The following RTTN variants were observed in gnomAD, a reference collection of about 807,000 sequenced individuals.
The protein encoded by RTTN is rotatin.
Under a neutral mutation model 269.2 loss-of-function variants are expected in RTTN, and 182 were observed. The ratio of observed to expected loss-of-function variants is 0.68; its 90% CI spans 0.60 to 0.76. The LOEUF (loss-of-function observed/expected upper bound fraction) is 0.76, where lower values mean the gene tolerates loss of function less well. Among genes scored for constraint, RTTN ranks in the 30% least tolerant of loss-of-function variants. The probability of loss-of-function intolerance (pLI) is 0.00; values close to 1 mark genes in which losing one functional copy is unlikely to be tolerated. For synonymous variants in RTTN, 1,006 were observed against 963.5 expected (o/e 1.04, Z -0.82); for missense variants, 2,545 against 2,608.6 (o/e 0.98, Z 0.53).
intron 40 of RTTN, among the ~76,000 whole-genome samples, chr18:70,038,474 T>C (rs1300466678): frequency 6.6e-6 from 1 of 152,180 alleles, no homozygotes; most frequent in Non-Finnish European, 1.5e-5. Flanking sequence ...TGCCTGGTAA[T>C]CTGGAGAATT....
chr18:70,017,148 A>G (rs922457565), intron 46 of RTTN, among the ~76,000 whole-genome samples: 1 of 151,984 alleles, frequency 6.6e-6, no homozygotes, highest in Non-Finnish European at 1.5e-5. Flanking sequence ...AAGGCCAGGG[A>G]GCCCTCGTCC....
intron 20 of RTTN, 24 bp downstream of exon 20, chr18:70,140,076 T>C: frequency 7.0e-7 from 1 of 1,436,290 alleles, no homozygotes; most frequent in Non-Finnish European, 9.8e-7. Flanking sequence ...TGTAAAACAA[T>C]GTCTAGATGC....
rs548826682 is a variant in RTTN, at chr18:70,162,307, G to A, written c.1929+3755C>T. 4.6e-5 allele frequency among the ~76,000 whole-genome samples: 7 copies of A among 152,252 alleles called. No individual in the cohort carries two copies. In the South Asian group the frequency reaches 8.3e-4, roughly 18 times the overall value. On this transcript the variant is annotated intron_variant, in intron 14 of 48. Coordinates refer to ENST00000640769, the MANE Select transcript of RTTN (RefSeq NM_173630.4). ...CTTAGAAGTGGGAACTAAACACTGC[G>A]TATACACATGGATACAAAGATGGGA...
chr18:70,132,913 G>GT (rs2060032957), intron 23 of RTTN, among the ~76,000 whole-genome samples: 1 of 152,058 alleles, frequency 6.6e-6, no homozygotes, highest in South Asian at 2.1e-4. Flanking sequence ...TGATATTGAG[G>GT]TAACTCTCTG....
intron 39 of RTTN, among the ~76,000 whole-genome samples, chr18:70,051,087 A>T (rs999544096): frequency 3.7e-4 from 56 of 152,318 alleles, no homozygotes; most frequent in African/African-American, 1.3e-3. Flanking sequence ...AGTAAAATTT[A>T]AAAAAACCAA....
chr18:70,168,188 T>C (rs2061042617), intron 12 of RTTN, among the ~76,000 whole-genome samples: 1 of 152,070 alleles, frequency 6.6e-6, no homozygotes, highest in African/African-American at 2.4e-5. Flanking sequence ...GAGTAAGAAT[T>C]TTATCCCTAA....
intron 29 of RTTN, among the ~76,000 whole-genome samples, 189 bp from the exon 30 acceptor site, chr18:70,092,409 T>A (rs1324285577): frequency 3.3e-5 from 5 of 152,234 alleles, no homozygotes; most frequent in Non-Finnish European, 7.3e-5. Flanking sequence ...AACATAACAA[T>A]TTTTTGACAG....
intron 14 of RTTN, among the ~76,000 whole-genome samples, chr18:70,162,563 T>G (rs2060859844): frequency 6.6e-6 from 1 of 152,154 alleles, no homozygotes; most frequent in South Asian, 2.1e-4. Context: ...CAATGCCAGA[T>G]GTTTATAAAA....
chr18:70,019,133 T>C (rs2056630020), intron 45 of RTTN, among the ~76,000 whole-genome samples: 1 of 152,206 alleles, frequency 6.6e-6, no homozygotes, highest in South Asian at 2.1e-4. Context: ...AAAGAGAGTC[T>C]GATCACACTT....
At chr18:70,049,710 TGTTAAA>T (rs2057601403) in intron 39 of RTTN, among the ~76,000 whole-genome samples, 1 of 152,210 alleles carries the variant, frequency 6.6e-6, no homozygotes, top group Non-Finnish European at 1.5e-5. Flanking sequence ...TGAATATTTA[TGTTAAA>T]AAACAGCTTT....
intron 40 of RTTN, among the ~76,000 whole-genome samples, chr18:70,040,367 A>G (rs1599227951): frequency 1.3e-5 from 2 of 152,334 alleles, no homozygotes; most frequent in African/African-American, 4.8e-5. Context: ...AACTGTAAGG[A>G]CAGACAAAGA....
chr18:70,127,426 C>T, intron 25 of RTTN, 76 bp downstream of exon 25: 1 of 1,526,952 alleles, frequency 6.5e-7, no homozygotes, highest in Non-Finnish European at 8.9e-7. Flanking sequence ...AGACTCTTAT[C>T]TTCAAAGGTT....
Position 70,028,771 on chromosome 18 carries a change from CAATGCTTAACTCTTT to C in RTTN, c.5761_5775del (p.Lys1921_Ile1925del), listed in dbSNP as rs757580606. 1.8e-5 allele frequency: 29 copies of C among 1,611,966 alleles called. No individual in the cohort carries two copies. The Admixed American group carries it at 4.8e-4, about 27-fold the overall frequency. ...AGACAGTTTCTTAGGAGCTGCATGGCAATGCTTAACTCTTTAATAACACCATCCTCCTATTTAAAC... is the reference window on the plus strand; with the variant it reads ...AGACAGTTTCTTAGGAGCTGCATGGCAATAACACCATCCTCCTATTTAAAC... On this transcript the variant is annotated inframe_deletion, in exon 43 of 49. Transcript: ENST00000640769.
chr18:70,204,125 G>T lies in RTTN; in HGVS notation c.358C>A (p.Pro120Thr). The change falls in exon 3 of 49, where the codon CCT becomes ACT. Residue 120 changes from proline (P) to threonine (T), a missense_variant. Coordinates refer to ENST00000640769, the MANE Select transcript of RTTN (RefSeq NM_173630.4). Reference protein sequence around the residue: ...DGLFLLPSEVPALSSASYQTN... With the variant: ...DGLFLLPSEVTALSSASYQTN... ...TGGTATGAGGCAGAAGATAGTGCAG[G>T]AACTTCCGAAGGAAGAAGAAAAAGT... is the stretch of plus-strand genomic sequence containing the variant. The T allele has an allele frequency of 6.2e-7, 1 of 1,613,864 alleles. No individual in the cohort carries two copies. The highest frequency in any genetic ancestry group is 1.1e-5 in the South Asian group (1 of 91,060).
chr18:70,203,271 C>A (rs8087187), intron 3 of RTTN, among the ~76,000 whole-genome samples: 110,946 of 151,766 alleles, frequency 0.73, 47,355 homozygotes, highest in East Asian at 1. Flanking sequence ...GTGATCTCAG[C>A]TCACCGTTGC....
At position 70,024,842 on chromosome 18, in the gene RTTN, C is replaced by G; in HGVS notation, c.5830G>C (p.Ala1944Pro). ...ACAGGGACAAGGTGAGCTTCAAGAG[C>G]TGCTTCCTGTTGAAGGAAGGGAAAA... ...LYQNEECKEA[A>P]LEAHLVPVLH... is the part of the protein sequence containing the mutation. Residue 1944 changes from alanine (A) to proline (P), a missense_variant, in exon 44 of 49, where the codon GCT becomes CCT. By Grantham distance (27) the Ala-to-Pro change is conservative. Transcript: ENST00000640769. 6.2e-7 allele frequency: 1 copy of G among 1,613,130 alleles called. No individual in the cohort carries two copies. Among genetic ancestry groups the G allele is most frequent in the Non-Finnish European group, 8.5e-7 (1 of 1,179,674 alleles).
intron 11 of RTTN, 90 bp downstream of exon 11, chr18:70,176,585 C>T (rs2061307096): frequency 1.6e-6 from 2 of 1,238,568 alleles, no homozygotes; most frequent in African/African-American, 1.5e-5. Flanking sequence ...ACAATACCTT[C>T]ACACCATGAA....
intron 28 of RTTN, among the ~76,000 whole-genome samples, chr18:70,101,444 G>C (rs1358127884): frequency 2.0e-5 from 3 of 151,914 alleles, no homozygotes; most frequent in Non-Finnish European, 4.4e-5. Context: ...ATTTTTTATT[G>C]CATCTATTTG....
intron 10 of RTTN, among the ~76,000 whole-genome samples, chr18:70,187,091 A>G (rs1248117706): frequency 6.6e-6 from 1 of 152,248 alleles, no homozygotes; most frequent in Admixed American, 6.5e-5. Flanking sequence ...ATGAAATAGC[A>G]TAAGCCCATT....
Sources: gnomAD v4.1 joint callset for allele counts (sites outside exome capture counted in the v4.1 genomes callset) on GRCh38, gnomAD v4.1.1 for gene constraint, MANE v1.5 for transcripts, NCBI Gene and HGNC (gene_info 2026-07-23, HGNC 2026-07-21) for gene names.